TANGO6: variants seen among roughly 807,000 people sequenced by gnomAD.
TANGO6 encodes transport and Golgi organization protein 6 homolog.
In TANGO6, 90 loss-of-function variants were observed where a neutral mutation model predicts 114.2. That is an observed-to-expected ratio of 0.79 (90% confidence interval 0.66 to 0.94). The LOEUF (loss-of-function observed/expected upper bound fraction) is 0.94, where lower values mean the gene tolerates loss of function less well. Ranked by LOEUF, TANGO6 falls within the 40% of genes least tolerant of loss-of-function variation. TANGO6 has a pLI of 0.00. For synonymous variants in TANGO6, 477 were observed against 509.8 expected (o/e 0.94, Z 0.87); for missense variants, 1,274 against 1,315.3 (o/e 0.97, Z 0.49).
intron 1 of TANGO6, among the ~76,000 whole-genome samples, chr16:68,845,220 G>A (rs1961785319): frequency 6.6e-6 from 1 of 152,058 alleles, no homozygotes; most frequent in African/African-American, 2.4e-5. Context: ...TGCCTGCCTT[G>A]GCCTCCCAAA....
intron 7 of TANGO6, among the ~76,000 whole-genome samples, chr16:68,893,667 C>T (rs1415530091): frequency 1.5e-5 from 2 of 135,704 alleles, no homozygotes; most frequent in South Asian, 2.4e-4. Context: ...ACCCAAGAGG[C>T]GGAGGTTGCA....
intron 7 of TANGO6, among the ~76,000 whole-genome samples, chr16:68,894,850 G>A (rs1029793775): frequency 6.6e-5 from 10 of 151,824 alleles, no homozygotes; most frequent in Non-Finnish European, 8.8e-5. Flanking sequence ...ATCACTGTAC[G>A]TGGAACTCCC....
chr16:69,005,889 C>T (rs1340421206), intron 15 of TANGO6, among the ~76,000 whole-genome samples: 3 of 151,912 alleles, frequency 2.0e-5, no homozygotes, highest in African/African-American at 7.3e-5. Context: ...ATAAGGACCT[C>T]CAAGAGTCTG....
At chr16:68,863,292 T>C (rs1330820557) in intron 3 of TANGO6, 3 of 328,458 alleles carry the variant, frequency 9.1e-6, no homozygotes, top group African/African-American at 6.5e-5. Context: ...CCAAGAATAT[T>C]ATGATCACTT....
At chr16:68,980,563 C>T (rs1486706567) in intron 15 of TANGO6, among the ~76,000 whole-genome samples, 2 of 151,372 alleles carry the variant, frequency 1.3e-5, no homozygotes, top group East Asian at 3.9e-4. Context: ...GCCACTGCAC[C>T]TATAGTTCCA....
intron 14 of TANGO6, among the ~76,000 whole-genome samples, chr16:68,967,127 G>T (rs1204857267): frequency 6.6e-6 from 1 of 152,110 alleles, no homozygotes; most frequent in Non-Finnish European, 1.5e-5. Flanking sequence ...TGTTGCCCAG[G>T]CTGGAATTTT....
At position 69,083,686 on chromosome 16, in the gene TANGO6, G is replaced by T; in HGVS notation, c.*25G>T. 1 of 1,546,764 alleles carries T rather than the reference G, an allele frequency of 6.5e-7. No individual in the cohort carries two copies. The highest frequency in any genetic ancestry group is 2.4e-5 in the East Asian group (1 of 41,016). On this transcript the variant is annotated 3_prime_UTR_variant, in exon 18 of 18. Coordinates refer to ENST00000261778, the MANE Select transcript of TANGO6 (RefSeq NM_024562.2). ...GACCTGGCTCCAAGGACGTGGAGGA[G>T]GCAGGCAGGGCCAGGCACCCAGAGC...
chr16:68,869,680 C>T (rs1268788935), intron 4 of TANGO6, among the ~76,000 whole-genome samples: 1 of 152,148 alleles, frequency 6.6e-6, no homozygotes, highest in East Asian at 1.9e-4. Context: ...TTATCCCCTG[C>T]CTGTTAGTTT....
intron 15 of TANGO6, among the ~76,000 whole-genome samples, chr16:68,984,233 G>T (rs1963870778): frequency 6.6e-6 from 1 of 152,026 alleles, no homozygotes; most frequent in Non-Finnish European, 1.5e-5. Flanking sequence ...TATTTTTAAA[G>T]AAGAAATTTT....
chr16:68,863,151 C>G, intron 3 of TANGO6, 90 bp downstream of exon 3: 1 of 755,068 alleles, frequency 1.3e-6, no homozygotes, highest in Non-Finnish European at 2.1e-6. Context: ...AACTTTAGTT[C>G]CCTGTTTAAT....
chr16:69,077,529 G>A (rs1436341239), intron 17 of TANGO6, among the ~76,000 whole-genome samples: 1 of 152,064 alleles, frequency 6.6e-6, no homozygotes, highest in East Asian at 1.9e-4. Flanking sequence ...ATACCAGATT[G>A]AAAAAGGCAA....
At chr16:69,050,239 G>A (rs1165087032) in intron 17 of TANGO6, among the ~76,000 whole-genome samples, 1 of 152,144 alleles carries the variant, frequency 6.6e-6, no homozygotes, top group African/African-American at 2.4e-5. Flanking sequence ...ACGAACACTT[G>A]TTATTGTCCA....
chr16:68,972,119 C>T (rs554633973), intron 14 of TANGO6, among the ~76,000 whole-genome samples: 3 of 151,938 alleles, frequency 2.0e-5, no homozygotes, highest in East Asian at 3.9e-4. Context: ...TAGAGCCCAT[C>T]TTAGGACTGA....
chr16:68,946,609 C>G (rs889655180), intron 14 of TANGO6, among the ~76,000 whole-genome samples: 2 of 152,152 alleles, frequency 1.3e-5, no homozygotes, highest in Non-Finnish European at 2.9e-5. Context: ...GGCCTCCCAC[C>G]TCAGCCTCCC....
intron 15 of TANGO6, among the ~76,000 whole-genome samples, chr16:68,985,516 C>G (rs1397461887): frequency 6.6e-6 from 1 of 151,934 alleles, no homozygotes; most frequent in Non-Finnish European, 1.5e-5. Context: ...TCAAGACCAG[C>G]CTGGACAACA....
chr16:69,057,441 A>AG (rs1960050367), intron 17 of TANGO6, among the ~76,000 whole-genome samples: 1 of 152,156 alleles, frequency 6.6e-6, no homozygotes, highest in Admixed American at 6.6e-5. Flanking sequence ...TAAGCCAAAT[A>AG]GGCTCACAGA....
intron 14 of TANGO6, among the ~76,000 whole-genome samples, chr16:68,940,741 A>G (rs781051429): frequency 5.3e-4 from 81 of 152,128 alleles, no homozygotes; most frequent in Non-Finnish European, 8.8e-4. Context: ...AACTTGGGAG[A>G]TTTTAGGACC....
intron 14 of TANGO6, among the ~76,000 whole-genome samples, chr16:68,970,883 C>T (rs1216415452): frequency 2.6e-5 from 4 of 152,040 alleles, no homozygotes; most frequent in Non-Finnish European, 4.4e-5. Flanking sequence ...ATGGGCCGGG[C>T]GCAGTGGCTC....
At chr16:69,057,007 T>C (rs1020582197) in intron 17 of TANGO6, among the ~76,000 whole-genome samples, 2 of 130,698 alleles carry the variant, frequency 1.5e-5, no homozygotes, top group Admixed American at 7.6e-5. Context: ...CTTTTTTTTT[T>C]TTTTTTTTTT....
Sources: gnomAD v4.1 joint callset for allele counts (sites outside exome capture counted in the v4.1 genomes callset) on GRCh38, gnomAD v4.1.1 for gene constraint, MANE v1.5 for transcripts, NCBI Gene and HGNC (gene_info 2026-07-23, HGNC 2026-07-21) for gene names.